The following COL18A1 variants were observed in gnomAD, a reference collection of about 807,000 sequenced individuals.
The protein encoded by COL18A1 is collagen alpha-1(XVIII) chain.
Under a neutral mutation model 168.0 loss-of-function variants are expected in COL18A1, and 133 were observed. The ratio of observed to expected loss-of-function variants is 0.79; its 90% CI spans 0.69 to 0.91. The LOEUF is 0.91. COL18A1 is among the 40% of genes least tolerant of loss of function. The pLI, the probability that COL18A1 is intolerant of heterozygous loss-of-function variation, is 0.00. For missense variants in COL18A1, 2,126 were observed against 1,925.4 expected (o/e 1.10, Z -1.95); for synonymous variants, 949 against 809.0 (o/e 1.17, Z -2.94).
chr21:45,441,767 C>G (rs2034375996), intron 2 of COL18A1, among the ~76,000 whole-genome samples: 1 of 152,260 alleles, frequency 6.6e-6, no homozygotes, highest in Non-Finnish European at 1.5e-5. Context: ...CCCTCAGACG[C>G]CCACCTCTGA....
chr21:45,485,149 ATTTTTTTTT>A (rs751718038), intron 15 of COL18A1, among the ~76,000 whole-genome samples: 4 of 55,084 alleles, frequency 7.3e-5, no homozygotes, highest in South Asian at 6.3e-4. Flanking sequence ...CACCTGGCTA[ATTTTTTTTT>A]TTTTTTTTTT....
At chr21:45,470,425 CTTTTTTT>C (rs1195744330) in intron 3 of COL18A1, among the ~76,000 whole-genome samples, 1 of 37,114 alleles carries the variant, frequency 2.7e-5, no homozygotes, top group Non-Finnish European at 5.1e-5. Context: ...TTTACCTTGT[CTTTTTTT>C]TTTTTTTTTT....
Position 45,405,492 on chromosome 21 carries a change from G to A in COL18A1, c.106+19G>A, listed in dbSNP as rs2033066845. ...GAGCCAGGTAAGACCCGGGCGGGAC[G>A]GGAAGGTTCGCGCCGGTGCCCGCCG... On this transcript the variant is annotated intron_variant, in intron 2 of 41. Coordinates refer to ENST00000651438, the MANE Select transcript of COL18A1 (RefSeq NM_001379500.1). The A allele has an allele frequency of 5.2e-6, 7 of 1,336,746 alleles. No homozygotes were observed. Among genetic ancestry groups the A allele is most frequent in the Non-Finnish European group, 6.8e-6 (7 of 1,033,572 alleles). The allele number at this position is 1,336,746 out of a possible 1,614,324, so 82.8% of individuals were successfully genotyped here. A position where few individuals can be genotyped will look rare whatever the true frequency, so the allele number is the denominator to read the frequency against.
At chr21:45,484,331 G>GCA (rs1214756108) in intron 15 of COL18A1, among the ~76,000 whole-genome samples, 7 of 120,114 alleles carry the variant, frequency 5.8e-5, no homozygotes, top group Admixed American at 8.8e-5. Flanking sequence ...GCACACACAT[G>GCA]CACACACACA....
Position 45,425,279 on chromosome 21 carries a change from G to A in COL18A1, c.106+19806G>A, listed in dbSNP as rs1026180879. ...GGACACGCCTGTTGGAGCCCCGGCCGTGTGTGTGTGTGTGCTGTGAGTGCA... is the reference window on the plus strand; with the variant it reads ...GGACACGCCTGTTGGAGCCCCGGCCATGTGTGTGTGTGTGCTGTGAGTGCA... On this transcript the variant is annotated intron_variant, in intron 2 of 41. Transcript: ENST00000651438. The surrounding 1 kb of genome is among the most constrained non-coding windows in gnomAD (Gnocchi z 4.1). Among the ~76,000 whole-genome samples, 1 of 150,958 alleles carries A rather than the reference G, an allele frequency of 6.6e-6. No individual in the cohort carries two copies. Among genetic ancestry groups the A allele is most frequent in the East Asian group, 2.0e-4 (1 of 5,124 alleles).
In COL18A1 at chr21:45,463,962, G is replaced by T. The variant is rs954960458; in HGVS notation, c.107-4280G>T. 3.3e-5 allele frequency among the ~76,000 whole-genome samples: 5 copies of T among 152,198 alleles called. No homozygotes were observed. The highest frequency in any genetic ancestry group is 1.2e-4 in the African/African-American group (5 of 41,456). ...ATCATCATTGTTATATCATGTGCAG[G>T]TGTCTAGCCTGGATGCCACCCAGCT... On this transcript the variant is annotated intron_variant, in intron 2 of 41. Coordinates refer to ENST00000651438, the MANE Select transcript of COL18A1 (RefSeq NM_001379500.1). This position sits in a 1 kb window ranked among gnomAD's most constrained non-coding sequence, Gnocchi z 4.0.
intron 6 of COL18A1, 41 bp downstream of exon 6, chr21:45,476,521 T>G (rs1029031132): frequency 6.4e-6 from 10 of 1,558,136 alleles, no homozygotes; most frequent in Admixed American, 1.9e-5. Context: ...TGGTGTGGGG[T>G]GTGTGTGGTG....
chr21:45,499,020 G>T (rs888720713), intron 32 of COL18A1, among the ~76,000 whole-genome samples: 5 of 152,208 alleles, frequency 3.3e-5, no homozygotes, highest in African/African-American at 1.2e-4. Flanking sequence ...TTTGCAGGCG[G>T]AATGGCTGAT....
At chr21:45,490,707 T>C in intron 20 of COL18A1, 129 bp from the exon 21 acceptor site, 2 of 978,032 alleles carry the variant, frequency 2.0e-6, no homozygotes, top group South Asian at 2.8e-5. Flanking sequence ...TCTTGGTGGC[T>C]GCCTCCCTCC....
chr21:45,477,079 G>C (rs561095236), intron 6 of COL18A1, among the ~76,000 whole-genome samples: 1 of 152,134 alleles, frequency 6.6e-6, no homozygotes, highest in South Asian at 2.1e-4. Context: ...GAGGGAAAAA[G>C]GAAAAGGGAC....
chr21:45,505,599 G>C (rs528760492), intron 36 of COL18A1, among the ~76,000 whole-genome samples, 168 bp downstream of exon 36: 168 of 152,206 alleles, frequency 1.1e-3, no homozygotes, highest in Non-Finnish European at 2.0e-3. Context: ...GAATCAGGTG[G>C]ACCCAGGAGG....
intron 14 of COL18A1, chr21:45,482,422 G>C (rs948654665): frequency 3.4e-6 from 2 of 588,396 alleles, no homozygotes; most frequent in Non-Finnish European, 6.3e-6. Context: ...GCGGTCTCCA[G>C]CATGACCTCA....
chr21:45,495,429 G>A lies in COL18A1; in HGVS notation c.2505G>A (p.Met835Ile), dbSNP rs2036496757. ...EPGDASLGFG[M>I]RGMPGPPGPP... ...GAGATGCCAGCCTTGGATTTGGCAT[G>A]AGGGTGAGTGTCTCTCAAGGGGCGG... The change falls in exon 29 of 42, where the codon ATG becomes ATA. Residue 835 changes from methionine to isoleucine, a missense_variant. Physicochemically the swap from Met to Ile is conservative, Grantham distance 10 (BLOSUM62 1). Coordinates refer to ENST00000651438, the MANE Select transcript of COL18A1 (RefSeq NM_001379500.1). 1 of 1,607,970 alleles carries A rather than the reference G, an allele frequency of 6.2e-7. No homozygotes were observed. Among genetic ancestry groups the A allele is most frequent in the African/African-American group, 1.3e-5 (1 of 74,930 alleles).
chr21:45,438,231 C>G lies in COL18A1; in HGVS notation c.107-30011C>G, dbSNP rs548448831. On this transcript the variant is annotated intron_variant, in intron 2 of 41. Transcript: ENST00000651438. ...GCACACACACACTCACACACTCAGACACACAGGCACTCTCCTGCACACACA... is the reference window on the plus strand; with the variant it reads ...GCACACACACACTCACACACTCAGAGACACAGGCACTCTCCTGCACACACA... 5.7e-4 allele frequency among the ~76,000 whole-genome samples: 67 copies of G among 117,934 alleles called. 1 individual carries two copies. The highest frequency in any genetic ancestry group is 2.7e-3 in the Admixed American group (34 of 12,528). The allele number at this position is 117,934 out of a possible 152,430, so 77.4% of individuals were successfully genotyped here.
At chr21:45,490,812 A>C in intron 20 of COL18A1, 24 bp from the exon 21 acceptor site, 1 of 1,549,696 alleles carries the variant, frequency 6.5e-7, no homozygotes, top group African/African-American at 1.4e-5. Context: ...TTGGTGATGA[A>C]CCATTTCCTT....
intron 10 of COL18A1, 45 bp downstream of exon 10, chr21:45,480,009 T>C (rs1212744827): frequency 3.7e-6 from 6 of 1,613,260 alleles, no homozygotes; most frequent in Non-Finnish European, 5.1e-6. Flanking sequence ...TGTTGGCCCT[T>C]GGCTCAAGGT....
intron 29 of COL18A1, chr21:45,495,800 T>C: frequency 2.9e-6 from 1 of 346,810 alleles, no homozygotes; most frequent in East Asian, 7.3e-5. Flanking sequence ...CATGTATTCA[T>C]GCATATACGA....
intron 32 of COL18A1, among the ~76,000 whole-genome samples, chr21:45,503,664 A>ACC: frequency 6.7e-6 from 1 of 149,034 alleles, no homozygotes; most frequent in South Asian, 2.2e-4. Flanking sequence ...GAGGGATAGC[A>ACC]TTGGGAGATA....
At chr21:45,451,144 C>T (rs942563205) in intron 2 of COL18A1, among the ~76,000 whole-genome samples, 1 of 152,230 alleles carries the variant, frequency 6.6e-6, no homozygotes, top group Non-Finnish European at 1.5e-5. Context: ...ACAAGAGTGG[C>T]TGCGTGCGGG....
Sources: gnomAD v4.1 joint callset for allele counts (sites outside exome capture counted in the v4.1 genomes callset) on GRCh38, gnomAD v4.1.1 for gene constraint, Gnocchi (gnomAD v3.1) non-coding constraint, MANE v1.5 for transcripts, NCBI Gene and HGNC (gene_info 2026-07-23, HGNC 2026-07-21) for gene names.